Variants in PTBP3 observed in about 807,000 individuals in gnomAD.
The protein encoded by PTBP3 is polypyrimidine tract-binding protein 3.
PTBP3 carries 20 observed loss-of-function variants against 58.7 expected under a neutral mutation model. That is an observed-to-expected ratio of 0.34 (90% CI 0.24 to 0.50). PTBP3 has a LOEUF of 0.50. Among genes scored for constraint, PTBP3 ranks in the 20% least tolerant of loss-of-function variants. The pLI, the probability that PTBP3 is intolerant of heterozygous loss-of-function variation, is 0.98. For synonymous variants in PTBP3, 185 were observed against 219.8 expected, an observed-to-expected ratio of 0.84 and a Z score of 1.40; for missense variants, 509 against 637.2, an observed-to-expected ratio of 0.80 and a Z score of 2.17.
chr9:112,257,904 C>T (rs1379190855), intron 5 of PTBP3, among the ~76,000 whole-genome samples: 1 of 147,410 alleles, frequency 6.8e-6, no homozygotes. Context: ...TGCACCACCA[C>T]ACTCCAGCCT....
At chr9:112,379,852 A>ATCT in the PTBP3 span, 1 of 517,882 alleles carries the variant, frequency 1.9e-6, no homozygotes, top group Non-Finnish European at 3.4e-6. Flanking sequence ...CTAGGCGCCG[A>ATCT]CAGGAGCCTG....
chr9:112,304,164 C>T (rs763073904), intron 1 of PTBP3, among the ~76,000 whole-genome samples: 1 of 151,698 alleles, frequency 6.6e-6, no homozygotes. Context: ...CAGACTCTGT[C>T]TTAGGAGGAA....
At chr9:112,320,316 T>TATATATATATATATATATA (rs61624494) in intron 1 of PTBP3, among the ~76,000 whole-genome samples, 4 of 31,588 alleles carry the variant, frequency 1.3e-4, no homozygotes, top group African/African-American at 4.9e-4. Context: ...ATATATATAT[T>TATATATATATATATATATA]TTTTTTTAAG....
chr9:112,242,330 T>C (rs1018772128), intron 7 of PTBP3, among the ~76,000 whole-genome samples: 1 of 152,110 alleles, frequency 6.6e-6, no homozygotes, highest in Non-Finnish European at 1.5e-5. Context: ...CCAGGCTAGG[T>C]AGGAGCCAGA....
intron 1 of PTBP3, among the ~76,000 whole-genome samples, chr9:112,310,302 A>C (rs1256158655): frequency 6.6e-6 from 1 of 152,208 alleles, no homozygotes; most frequent in Non-Finnish European, 1.5e-5. Context: ...GGACATCTTA[A>C]CAACAAAATA....
At position 112,220,890 on chromosome 9, in the gene PTBP3, T is replaced by C; in HGVS notation, c.*2961A>G. The C allele has an allele frequency of 2.1e-6, 2 of 970,290 alleles. No individual in the cohort carries two copies. The highest frequency in any genetic ancestry group is 1.2e-6 in the Non-Finnish European group (1 of 816,242). The allele number at this position is 970,290 out of a possible 1,614,324, so 60.1% of individuals were successfully genotyped here. The stretch of plus-strand genomic sequence containing the variant: ...CTTAAAAATAAAATAAACTTAAAAA[T>C]AGGATACTACGGTAGATCAACAGAG... On this transcript the variant is annotated 3_prime_UTR_variant, in exon 14 of 14. Coordinates refer to ENST00000374257, the MANE Select transcript of PTBP3 (RefSeq NM_001163788.4).
intron 11 of PTBP3, among the ~76,000 whole-genome samples, chr9:112,228,051 G>A (rs530111853): frequency 6.6e-6 from 1 of 152,196 alleles, no homozygotes; most frequent in East Asian, 1.9e-4. Flanking sequence ...AAGCCACTCA[G>A]TGGTTACAGA....
upstream of PTBP3, among the ~76,000 whole-genome samples, chr9:112,338,384 G>A (rs1214035829): frequency 1.3e-5 from 2 of 152,186 alleles, no homozygotes; most frequent in South Asian, 4.1e-4. Flanking sequence ...GCTTTTAATA[G>A]TGTAATACAG....
At chr9:112,245,505 A>AACAC (rs536912403) in intron 7 of PTBP3, among the ~76,000 whole-genome samples, 18 of 151,588 alleles carry the variant, frequency 1.2e-4, no homozygotes, top group Middle Eastern at 3.4e-3. Context: ...TGTTTTTTAA[A>AACAC]ACACACACAC....
intron 1 of PTBP3, among the ~76,000 whole-genome samples, chr9:112,315,287 T>C (rs1829656660): frequency 6.6e-6 from 1 of 150,468 alleles, no homozygotes. Context: ...CTGATCAAAG[T>C]AGTAAGCTTT....
At chr9:112,332,937 G>A (rs1830437736) in intron 1 of PTBP3, 1 of 1,520,356 alleles carries the variant, frequency 6.6e-7, no homozygotes, top group South Asian at 1.3e-5. Context: ...GGCGGCCCTG[G>A]GACCCCGCGT....
At chr9:112,361,423 A>G in the PTBP3 span, among the ~76,000 whole-genome samples, 2 of 152,188 alleles carry the variant, frequency 1.3e-5, no homozygotes, top group Non-Finnish European at 2.9e-5. Flanking sequence ...TTTAGAAGCC[A>G]CAAAACAAGG....
At position 112,275,980 on chromosome 9, in the gene PTBP3, T is replaced by G. The variant is rs139891152; in HGVS notation, c.68A>C (p.Asp23Ala). Reference sequence around the variant, plus strand: ...ACGGGAAGGCGAACAGGGAGGTCTATCTCGTTTAAATTTCTTGCTGTCATT... The same window carrying G: ...ACGGGAAGGCGAACAGGGAGGTCTAGCTCGTTTAAATTTCTTGCTGTCATT... ...NGNDSKKFKR[D>A]RPPCSPSRVL... Residue 23 changes from aspartate to alanine, a missense_variant, in exon 3 of 14, where the codon GAT becomes GCT. Physicochemically the swap from Asp to Ala is moderately radical, Grantham distance 126 (BLOSUM62 -2). Around this residue, in one of 4 missense-constraint regions of PTBP3, gnomAD observed 212 missense variants for 215.3 expected, o/e 0.98. Coordinates refer to ENST00000374257, the MANE Select transcript of PTBP3 (RefSeq NM_001163788.4). The G allele has an allele frequency of 6.2e-7, 1 of 1,612,872 alleles. No homozygotes were observed. The highest frequency in any genetic ancestry group is 1.3e-5 in the African/African-American group (1 of 74,904).
At chr9:112,277,100 C>T (rs1161274949) in intron 2 of PTBP3, among the ~76,000 whole-genome samples, 1 of 152,120 alleles carries the variant, frequency 6.6e-6, no homozygotes, top group African/African-American at 2.4e-5. Context: ...AGCTATATTT[C>T]GTATCCATCC....
chr9:112,332,946 G>A (rs987857020), intron 1 of PTBP3: 116 of 1,494,684 alleles, frequency 7.8e-5, no homozygotes, highest in Non-Finnish European at 1.0e-4. Flanking sequence ...GGGACCCCGC[G>A]TGGGACCATG....
chr9:112,243,481 G>A (rs960159681), intron 7 of PTBP3, among the ~76,000 whole-genome samples: 16 of 152,054 alleles, frequency 1.1e-4, no homozygotes, highest in Admixed American at 6.6e-4. Flanking sequence ...GGCAGAGGTT[G>A]CAGTGAGCCA....
the PTBP3 span, among the ~76,000 whole-genome samples, chr9:112,340,135 T>C: frequency 6.6e-6 from 1 of 152,088 alleles, no homozygotes; most frequent in Non-Finnish European, 1.5e-5. Context: ...ACCTGGCTAA[T>C]TTTTGCTGGT....
At chr9:112,267,982 G>A (rs901605435) in intron 4 of PTBP3, 67 bp downstream of exon 4, 1 of 1,400,616 alleles carries the variant, frequency 7.1e-7, no homozygotes. Context: ...TTCTTCATCT[G>A]TAAAGTATGT....
Position 112,270,566 on chromosome 9 carries a change from C to A in PTBP3, c.205-2371G>T, listed in dbSNP as rs144843949. ...AAGATAAGAATCATAATTAAGCATT[C>A]CTTAAAAAGGCATCTGAAATTCCAG... On this transcript the variant is annotated intron_variant, in intron 3 of 13. Coordinates refer to ENST00000374257, the MANE Select transcript of PTBP3 (RefSeq NM_001163788.4). Among the ~76,000 whole-genome samples, 242 of 152,170 alleles carry A rather than the reference C, an allele frequency of 1.6e-3. 2 individuals are homozygous for A. The highest frequency in any genetic ancestry group is 5.0e-3 in the East Asian group (26 of 5,180).
Sources: gnomAD v4.1 joint callset for allele counts (sites outside exome capture counted in the v4.1 genomes callset) on GRCh38, gnomAD v4.1.1 for gene constraint, gnomAD v4.1.1 regional missense constraint, MANE v1.5 for transcripts, NCBI Gene and HGNC (gene_info 2026-07-23, HGNC 2026-07-21) for gene names.